The following OR1I1 variants were observed in gnomAD, a reference collection of about 807,000 sequenced individuals.
OR1I1 encodes the protein olfactory receptor family 1 subfamily I member 1.
For missense variants in OR1I1, 451 were observed against 443.6 expected (o/e 1.02, Z -0.15); for synonymous variants, 171 against 181.4 (o/e 0.94, Z 0.46).
chr19:15,085,464 G>A (rs1013891482), intron 1 of OR1I1, among the ~76,000 whole-genome samples: 2 of 151,608 alleles, frequency 1.3e-5, no homozygotes, highest in African/African-American at 2.4e-5. Context: ...GAGCCACCAC[G>A]CCAGGTCTGA....
Position 15,089,052 on chromosome 19 carries a change from GA to G in OR1I1, c.*920del. On this transcript the variant is annotated 3_prime_UTR_variant, in exon 2 of 2. Coordinates refer to ENST00000641398, the MANE Select transcript of OR1I1 (RefSeq NM_001004713.2). ...CAGATAGATGATAGATAGATGGATG[GA>G]TAGATAGAGATAGAGGAGGTAGGTA... 1 of 151,544 alleles carries G rather than the reference GA, an allele frequency of 6.6e-6. No individual in the cohort carries two copies. 9.4% of individuals were successfully genotyped at this position (151,544 alleles called of 1,614,324 possible). A position where few individuals can be genotyped will look rare whatever the true frequency, so the allele number is the denominator to read the frequency against.
chr19:15,084,670 C>T lies in OR1I1; in HGVS notation c.-13-2383C>T, dbSNP rs547147104. ...AGGTGCAGCAAACCACTATGGCACA[C>T]GTTTACCTATGTAACAAACCTGCAC... On this transcript the variant is annotated intron_variant, in intron 1 of 1. Coordinates refer to ENST00000641398, the MANE Select transcript of OR1I1 (RefSeq NM_001004713.2). Among the ~76,000 whole-genome samples, 104 of 152,146 alleles carry T rather than the reference C, an allele frequency of 6.8e-4. 1 individual carries two copies. Among genetic ancestry groups the T allele is most frequent in the African/African-American group, 2.1e-3 (89 of 41,498 alleles).
Position 15,088,667 on chromosome 19 carries a change from G to C in OR1I1, c.*534G>C. ...GAGCAAGATCTGTCACTCATAGGTA[G>C]ATAGATAGATAGATAGATAGATAGA... On this transcript the variant is annotated 3_prime_UTR_variant, in exon 2 of 2. Transcript: ENST00000641398. 1 of 10,294 alleles carries C rather than the reference G, an allele frequency of 9.7e-5. No individual in the cohort carries two copies. Among genetic ancestry groups the C allele is most frequent in the East Asian group, 1.6e-3 (1 of 612 alleles). The allele number at this position is 10,294 out of a possible 1,614,324, so 0.6% of individuals were successfully genotyped here. A position where few individuals can be genotyped will look rare whatever the true frequency, so the allele number is the denominator to read the frequency against.
Position 15,088,320 on chromosome 19 carries a change from A to G in OR1I1, c.*187A>G. 1 of 645,248 alleles carries G rather than the reference A, an allele frequency of 1.5e-6. No homozygotes were observed. The highest frequency in any genetic ancestry group is 2.9e-5 in the East Asian group (1 of 34,746). 40.0% of individuals were successfully genotyped at this position (645,248 alleles called of 1,614,324 possible). A position where few individuals can be genotyped will look rare whatever the true frequency, so the allele number is the denominator to read the frequency against. ...CTTTTAGGATTGCTATGTGAATAAG[A>G]GTAGTTGAAAACAAGAGACGTAGCT... On this transcript the variant is annotated 3_prime_UTR_variant, in exon 2 of 2. Coordinates refer to ENST00000641398, the MANE Select transcript of OR1I1 (RefSeq NM_001004713.2).
chr19:15,085,161 TATATATATA>T (rs1396210111), intron 1 of OR1I1, among the ~76,000 whole-genome samples: 2,888 of 48,288 alleles, frequency 0.06, 282 homozygotes, highest in Non-Finnish European at 0.077. Flanking sequence ...TATATATATA[TATATATATA>T]TATATATTTT....
At position 15,087,420 on chromosome 19, in the gene OR1I1, G is replaced by T. The variant is rs779516294; in HGVS notation, c.355G>T (p.Ala119Ser). 2.7e-5 allele frequency: 44 copies of T among 1,614,086 alleles called. No homozygotes were observed. The highest frequency in any genetic ancestry group is 3.7e-5 in the Non-Finnish European group (44 of 1,179,984). The change falls in exon 2 of 2, where the codon GCC (alanine) becomes TCC (serine). Residue 119 changes from alanine (A) to serine (S), a missense_variant. By Grantham distance (99) the Ala-to-Ser change is moderately conservative. Coordinates refer to ENST00000641398, the MANE Select transcript of OR1I1 (RefSeq NM_001004713.2). The part of the protein sequence containing the change: ...TMDSFLLAVM[A>S]IDRFVAIVHP... ...GGACAGCTTTCTCCTGGCAGTAATG[G>T]CCATCGACCGCTTCGTGGCCATTGT... is the stretch of plus-strand genomic sequence containing the variant.
chr19:15,085,650 T>C (rs2145302832), intron 1 of OR1I1, among the ~76,000 whole-genome samples: 1 of 152,216 alleles, frequency 6.6e-6, no homozygotes, highest in South Asian at 2.1e-4. Context: ...TCCCATCTAA[T>C]TGAAATTTTG....
intron 1 of OR1I1, among the ~76,000 whole-genome samples, chr19:15,083,963 A>G (rs7257578): frequency 0.067 from 10,241 of 152,108 alleles, 1,033 homozygotes; most frequent in African/African-American, 0.22. Flanking sequence ...ACTCTAGCCT[A>G]GGTGACAGAG....
rs1318878879 is a variant in OR1I1 at position 15,090,346 on chromosome 19, A to AC, written c.*2216dup. On this transcript the variant is annotated 3_prime_UTR_variant, in exon 2 of 2. Coordinates refer to ENST00000641398, the MANE Select transcript of OR1I1 (RefSeq NM_001004713.2). ...CTCCCAAGTAGCTGGGATTACAGGC[A>AC]CCCACCACCACGCCCAGCTAATTTT... 2.7e-5 allele frequency: 4 copies of AC among 150,078 alleles called. No homozygotes were observed. Among genetic ancestry groups the AC allele is most frequent in the African/African-American group, 9.8e-5 (4 of 40,746 alleles). The allele number at this position is 150,078 out of a possible 1,614,324, so 9.3% of individuals were successfully genotyped here.
In OR1I1 at chr19:15,087,855, TC is replaced by T; in HGVS notation, c.795del (p.Ser266AlafsTer11). The T allele has an allele frequency of 6.2e-7, 1 of 1,614,106 alleles. No homozygotes were observed. The highest frequency in any genetic ancestry group is 1.1e-5 in the South Asian group (1 of 91,068). On this transcript the variant is annotated frameshift_variant, in exon 2 of 2. Coordinates refer to ENST00000641398, the MANE Select transcript of OR1I1 (RefSeq NM_001004713.2). LOFTEE classifies it low-confidence loss of function (END_TRUNC). ...TIFAVYLQPT[S>X]PSSSQKDKAA... ...CTTTGCTGTGTACTTACAGCCCACA[TC>T]CCCCAGCTCCTCCCAGAAGGACAAG... is the stretch of plus-strand genomic sequence containing the variant.
rs770442950 is a variant in OR1I1, at chr19:15,088,037, T to A, written c.972T>A (p.Val324=). Residue 324 remains valine, a synonymous_variant, in exon 2 of 2, where the codon GTT becomes GTA. Coordinates refer to ENST00000641398, the MANE Select transcript of OR1I1 (RefSeq NM_001004713.2). ...RPEQLLDVYH[V]PGSLLAARDT... ...AACAGTTATTGGATGTTTATCATGT[T>A]CCAGGATCACTGTTGGCTGCTAGGG... The A allele has an allele frequency of 2.5e-6, 4 of 1,612,246 alleles. No homozygotes were observed. Among genetic ancestry groups the A allele is most frequent in the Non-Finnish European group, 3.4e-6 (4 of 1,178,698 alleles).
chr19:15,087,537 A>G lies in OR1I1; in HGVS notation c.472A>G (p.Ile158Val), dbSNP rs946728534. 3 of 1,614,088 alleles carry G rather than the reference A, an allele frequency of 1.9e-6. No individual in the cohort carries two copies. The Middle Eastern group carries it at 4.9e-4, about 266-fold the overall frequency. Residue 158 changes from isoleucine (I) to valine (V), a missense_variant, in exon 2 of 2, where the codon ATA becomes GTA. Physicochemically the swap from Ile to Val is conservative, Grantham distance 29. Transcript: ENST00000641398. The stretch of plus-strand genomic sequence containing the variant: ...GATGATCACCAACCTCCAGTCTCTC[A>G]TACACACCTGCCTCATGGCTCAACT... ...SWMITNLQSL[I>V]HTCLMAQLTF...
chr19:15,083,030 C>G (rs892868216), intron 1 of OR1I1, among the ~76,000 whole-genome samples: 10 of 151,846 alleles, frequency 6.6e-5, no homozygotes, highest in Admixed American at 4.6e-4. Flanking sequence ...TGGTCTCACA[C>G]TCCCGGGCTC....
rs1267940418 is a variant in OR1I1 at position 15,087,059 on chromosome 19, A to C, written c.-7A>C. ...CCCTTTTTGTTCCCACTAGTCACAG[A>C]CCATACATGGAACCAGAAAAGCAAA... On this transcript the variant is annotated 5_prime_UTR_variant, in exon 2 of 2. Transcript: ENST00000641398. 1.9e-6 allele frequency: 3 copies of C among 1,603,262 alleles called. No homozygotes were observed. Among genetic ancestry groups the C allele is most frequent in the Non-Finnish European group, 2.6e-6 (3 of 1,173,994 alleles).
In OR1I1 at chr19:15,088,948, A is replaced by AGGT. The variant is rs1197994153; in HGVS notation, c.*816_*817insGTG. The AGGT allele has an allele frequency of 1.5e-5, 1 of 64,760 alleles. No homozygotes were observed. The highest frequency in any genetic ancestry group is 6.7e-5 in the African/African-American group (1 of 14,950). The allele number at this position is 64,760 out of a possible 1,614,324, so 4.0% of individuals were successfully genotyped here. The stretch of plus-strand genomic sequence containing the variant: ...TGATAGATAGATCATATAAGTAGAT[A>AGGT]GATGATAGATAGATAGATAGATAGA... On this transcript the variant is annotated 3_prime_UTR_variant, in exon 2 of 2. Coordinates refer to ENST00000641398, the MANE Select transcript of OR1I1 (RefSeq NM_001004713.2).
Position 15,091,854 on chromosome 19 carries a change from A to G in OR1I1, c.*3721A>G. On this transcript the variant is annotated 3_prime_UTR_variant, in exon 2 of 2. Transcript: ENST00000641398. ...AAAAAAAAAAAAAAAAAAAAAAAAA[A>G]GTTTGTAATTTAAAAGTTTGAGCAT... 7.5e-6 allele frequency: 1 copy of G among 132,510 alleles called. No individual in the cohort carries two copies. The highest frequency in any genetic ancestry group is 2.5e-4 in the South Asian group (1 of 4,012). The allele number at this position is 132,510 out of a possible 1,614,324, so 8.2% of individuals were successfully genotyped here. A position where few individuals can be genotyped will look rare whatever the true frequency, so the allele number is the denominator to read the frequency against.
In OR1I1 at chr19:15,089,381, A is replaced by C. The variant is rs748037457; in HGVS notation, c.*1248A>C. 6.6e-6 allele frequency: 1 copy of C among 152,200 alleles called. No homozygotes were observed. Among genetic ancestry groups the C allele is most frequent in the Non-Finnish European group, 1.5e-5 (1 of 68,064 alleles). The allele number at this position is 152,200 out of a possible 1,614,324, so 9.4% of individuals were successfully genotyped here. ...AGTTTGGGAACACAGACCCTAGCCT[A>C]GCTCCAAAATCTATGTGTTTCCTGT... On this transcript the variant is annotated 3_prime_UTR_variant, in exon 2 of 2. Coordinates refer to ENST00000641398, the MANE Select transcript of OR1I1 (RefSeq NM_001004713.2).
chr19:15,084,583 G>C (rs2046221209), intron 1 of OR1I1, among the ~76,000 whole-genome samples: 1 of 151,640 alleles, frequency 6.6e-6, no homozygotes, highest in Admixed American at 6.6e-5. Context: ...GAAAGAAACC[G>C]GCTCCTCATC....
chr19:15,082,473 CGAGA>C (rs143329444), intron 1 of OR1I1, among the ~76,000 whole-genome samples, 197 bp downstream of exon 1: 2 of 151,500 alleles, frequency 1.3e-5, no homozygotes, highest in African/African-American at 4.9e-5. Flanking sequence ...TCCTAGAGGC[CGAGA>C]GAGAGAGAAG....
Sources: gnomAD v4.1 joint callset for allele counts (sites outside exome capture counted in the v4.1 genomes callset) on GRCh38, gnomAD v4.1.1 for gene constraint, MANE v1.5 for transcripts, NCBI Gene and HGNC (gene_info 2026-07-23, HGNC 2026-07-21) for gene names.